Variants in CHSY1 observed in about 807,000 individuals in gnomAD.
CHSY1 encodes the protein chondroitin sulfate synthase 1, also known as N-acetylgalactosaminyl-proteoglycan 3-beta-glucuronosyltransferase 1.
A neutral mutation model predicts 59.8 loss-of-function variants in CHSY1; 13 were observed. The observed-to-expected ratio is 0.22, with a 90% CI of 0.14 to 0.35. The LOEUF (loss-of-function observed/expected upper bound fraction) is 0.35. CHSY1 is among the 10% of genes least tolerant of loss of function. The probability of loss-of-function intolerance (pLI) is 1.00; values close to 1 mark genes in which losing one functional copy is unlikely to be tolerated. For missense variants in CHSY1, 947 were observed against 1,030.6 expected (o/e 0.92, Z 1.11); for synonymous variants, 459 against 401.2 (o/e 1.14, Z -1.72).
At chr15:101,182,288 C>T (rs1466230172) in intron 2 of CHSY1, among the ~76,000 whole-genome samples, 6 of 152,128 alleles carry the variant, frequency 3.9e-5, no homozygotes, top group African/African-American at 9.7e-5. Flanking sequence ...TGCAAGAGAT[C>T]GCTTTTGACT....
intron 1 of CHSY1, among the ~76,000 whole-genome samples, chr15:101,246,666 G>T (rs1027724694): frequency 1.3e-5 from 2 of 152,190 alleles, no homozygotes; most frequent in Non-Finnish European, 2.9e-5. Context: ...GGTACATGGT[G>T]CTGCGACCAC....
intron 2 of CHSY1, among the ~76,000 whole-genome samples, chr15:101,204,212 T>A (rs1347357245): frequency 6.6e-6 from 1 of 152,072 alleles, no homozygotes; most frequent in East Asian, 1.9e-4. Context: ...GGTGGGTGGA[T>A]CAGCTGAGGT....
intron 2 of CHSY1, among the ~76,000 whole-genome samples, chr15:101,212,778 G>GT (rs1472222418): frequency 1.3e-5 from 2 of 152,182 alleles, no homozygotes; most frequent in African/African-American, 4.8e-5. Context: ...ATAGCAAACT[G>GT]TAAGTCAATA....
At position 101,236,682 on chromosome 15, in the gene CHSY1, G is replaced by A. The variant is rs373634923; in HGVS notation, c.321-1105C>T. Among the ~76,000 whole-genome samples the A allele has an allele frequency of 2.5e-4, 38 of 152,070 alleles. 1 individual carries two copies. Among genetic ancestry groups the A allele is most frequent in the East Asian group, 1.2e-3 (6 of 5,156 alleles). On this transcript the variant is annotated intron_variant, in intron 1 of 2. Transcript: ENST00000254190. ...TAAAAATACAAAAACAAAATTAGCC[G>A]TGCGTGCTGGCGGGCGCCTGTAGTC... is the stretch of plus-strand genomic sequence containing the variant.
At chr15:101,210,176 T>C (rs1331583957) in intron 2 of CHSY1, among the ~76,000 whole-genome samples, 6 of 152,330 alleles carry the variant, frequency 3.9e-5, no homozygotes, top group Non-Finnish European at 7.4e-5. Flanking sequence ...ACTAAACAGA[T>C]TAGCCAGTAC....
chr15:101,238,981 C>G (rs1270015172), intron 1 of CHSY1, among the ~76,000 whole-genome samples: 1 of 152,132 alleles, frequency 6.6e-6, no homozygotes. Flanking sequence ...TCTTCTGATG[C>G]GGTGACATAT....
chr15:101,206,299 G>A (rs1008317035), intron 2 of CHSY1, among the ~76,000 whole-genome samples: 7 of 152,076 alleles, frequency 4.6e-5, no homozygotes, highest in African/African-American at 1.7e-4. Context: ...GTCTCGAGTC[G>A]GCAGGAGAAC....
intron 2 of CHSY1, among the ~76,000 whole-genome samples, chr15:101,231,157 T>G (rs1441103551): frequency 1.3e-5 from 2 of 152,074 alleles, no homozygotes; most frequent in African/African-American, 2.4e-5. Flanking sequence ...GTGAGTGAAT[T>G]GAGTCAATGT....
intron 2 of CHSY1, chr15:101,188,301 C>T (rs1458076938): frequency 3.8e-6 from 2 of 528,262 alleles, no homozygotes; most frequent in African/African-American, 2.1e-5. Flanking sequence ...GAGTTTTAAA[C>T]ATTTAAATTA....
chr15:101,219,723 T>C (rs1596446627), intron 2 of CHSY1, among the ~76,000 whole-genome samples: 1 of 152,110 alleles, frequency 6.6e-6, no homozygotes, highest in African/African-American at 2.4e-5. Flanking sequence ...AAGTTTCCCA[T>C]TGTTATACCA....
At chr15:101,244,996 G>A (rs985406888) in intron 1 of CHSY1, among the ~76,000 whole-genome samples, 7 of 152,158 alleles carry the variant, frequency 4.6e-5, no homozygotes, top group African/African-American at 9.7e-5. Flanking sequence ...CTTGATAAAT[G>A]CTACCCAAGC....
intron 1 of CHSY1, among the ~76,000 whole-genome samples, chr15:101,243,217 T>C (rs1166058412): frequency 6.6e-6 from 1 of 152,174 alleles, no homozygotes; most frequent in African/African-American, 2.4e-5. Context: ...TAGGCCACTT[T>C]TGAAACATCA....
chr15:101,229,284 T>C (rs2038870635), intron 2 of CHSY1, among the ~76,000 whole-genome samples: 1 of 152,226 alleles, frequency 6.6e-6, no homozygotes. Flanking sequence ...GAATGCATTT[T>C]TTAAATGATC....
Position 101,178,278 on chromosome 15 carries a change from G to C in CHSY1, c.1519C>G (p.Leu507Val). The change falls in exon 3 of 3, where the codon CTC (leucine) becomes GTC (valine). Residue 507 changes from leucine (L) to valine (V), a missense_variant. Physicochemically the swap from Leu to Val is conservative, Grantham distance 32 (BLOSUM62 1). This residue lies in a region of CHSY1 where 602 missense variants were observed against 676.9 expected (regional missense o/e 0.89). Transcript: ENST00000254190. ...ACGAGCTTCTTCAGGGAGTTTGAGAGAAAGGACAAGGATCCAGATTCCTGA... is the reference window on the plus strand; with the variant it reads ...ACGAGCTTCTTCAGGGAGTTTGAGACAAAGGACAAGGATCCAGATTCCTGA... ...INQESGSLSF[L>V]SNSLKKLVPF... 1.9e-6 allele frequency: 3 copies of C among 1,613,010 alleles called. No individual in the cohort carries two copies. The highest frequency in any genetic ancestry group is 1.3e-5 in the African/African-American group (1 of 75,030).
intron 2 of CHSY1, among the ~76,000 whole-genome samples, chr15:101,213,449 G>A (rs1382472799): frequency 2.0e-5 from 3 of 152,040 alleles, no homozygotes; most frequent in Non-Finnish European, 2.9e-5. Flanking sequence ...GCTGACCAAT[G>A]GAAAACAAAT....
chr15:101,248,408 C>A (rs1033228691), intron 1 of CHSY1, among the ~76,000 whole-genome samples: 4 of 152,182 alleles, frequency 2.6e-5, no homozygotes, highest in Non-Finnish European at 5.9e-5. Context: ...GGCAAAGGAC[C>A]CTAACTGGCA....
intron 2 of CHSY1, chr15:101,186,616 CA>C (rs2038369415): frequency 1.3e-5 from 2 of 151,882 alleles, no homozygotes; most frequent in African/African-American, 4.8e-5. Context: ...TGAGCTTGGG[CA>C]ACATGGTGAA....
intron 1 of CHSY1, among the ~76,000 whole-genome samples, chr15:101,249,510 A>ATTTTTTTTTTT (rs34753057): frequency 5.3e-5 from 6 of 113,044 alleles, no homozygotes; most frequent in East Asian, 2.5e-4. Flanking sequence ...GATAGATAGA[A>ATTTTTTTTTTT]TTTTTTTTTT....
chr15:101,189,055 G>A (rs2038409065), intron 2 of CHSY1, among the ~76,000 whole-genome samples: 1 of 152,204 alleles, frequency 6.6e-6, no homozygotes, highest in Non-Finnish European at 1.5e-5. Context: ...AATATTTACT[G>A]AACGCTCCCG....
Sources: allele counts gnomAD v4.1 joint callset (sites outside exome capture counted in the v4.1 genomes callset), GRCh38; gene constraint gnomAD v4.1.1; regional missense constraint gnomAD v4.1.1; transcripts MANE v1.5; gene names NCBI Gene and HGNC (gene_info 2026-07-23, HGNC 2026-07-21).